The following PALLD variants were observed in gnomAD, a reference collection of about 807,000 sequenced individuals.
PALLD encodes palladin, cytoskeletal associated protein, also known as palladin.
A neutral mutation model predicts 123.5 loss-of-function variants in PALLD; 61 were observed. The ratio of observed to expected loss-of-function variants is 0.49; its 90% CI spans 0.40 to 0.61. The LOEUF is 0.61. Among genes scored for constraint, PALLD ranks in the 20% least tolerant of loss-of-function variants. The pLI, the probability that PALLD is intolerant of heterozygous loss-of-function variation, is 0.00. For synonymous variants in PALLD, 465 were observed against 496.4 expected (o/e 0.94, Z 0.84); for missense variants, 1,273 against 1,377.0 (o/e 0.92, Z 1.20).
intron 2 of PALLD, among the ~76,000 whole-genome samples, chr4:168,577,955 C>A (rs1356453089): frequency 6.6e-6 from 1 of 151,964 alleles, no homozygotes; most frequent in African/African-American, 2.4e-5. Flanking sequence ...GCGGGGGGAA[C>A]GTTGTGAATC....
At position 168,673,511 on chromosome 4, in the gene PALLD, C is replaced by T. The variant is rs138169408; in HGVS notation, c.1087+5143C>T. ...GGCTTGGGCCGCAGCCGGGGTATGC[C>T]GGACACAGGGCCTATAGTCACCGTT... is the stretch of plus-strand genomic sequence containing the variant. On this transcript the variant is annotated intron_variant, in intron 3 of 21. Coordinates refer to ENST00000505667, the MANE Select transcript of PALLD (RefSeq NM_001166108.2). 9.2e-5 allele frequency among the ~76,000 whole-genome samples: 14 copies of T among 152,306 alleles called. No individual in the cohort carries two copies. The East Asian group carries it at 2.3e-3, about 25-fold the overall frequency.
At chr4:168,809,788 C>G (rs1740793499) in intron 10 of PALLD, among the ~76,000 whole-genome samples, 1 of 151,338 alleles carries the variant, frequency 6.6e-6, no homozygotes, top group Non-Finnish European at 1.5e-5. Flanking sequence ...TGCTTGAACC[C>G]AGGAGGTAGA....
chr4:168,640,911 A>T (rs1252666938), intron 2 of PALLD, among the ~76,000 whole-genome samples: 3 of 151,848 alleles, frequency 2.0e-5, no homozygotes, highest in African/African-American at 7.2e-5. Flanking sequence ...GGTGCTTTTG[A>T]AAAATAGAGA....
At position 168,668,357 on chromosome 4, in the gene PALLD, T is replaced by G. The variant is rs776534547; in HGVS notation, c.1076T>G (p.Val359Gly). 16 of 1,603,250 alleles carry G rather than the reference T, an allele frequency of 1.0e-5. No homozygotes were observed. Among genetic ancestry groups the G allele is most frequent in the Non-Finnish European group, 1.4e-5 (16 of 1,173,088 alleles). ...PSGSDTTSAE[V>G]FIEGASSTDS... ...GGCTCAGACACAACATCTGCTGAGG[T>G]GTTCATTGAAGGTAAGGAGGGGTGC... is the stretch of plus-strand genomic sequence containing the variant. The change falls in exon 3 of 22, where the codon GTG becomes GGG. Residue 359 changes from valine (V) to glycine (G), a missense_variant. Val to Gly is a moderately radical substitution (Grantham distance 109). Transcript: ENST00000505667.
At chr4:168,500,268 C>T (rs1014800296) in intron 1 of PALLD, among the ~76,000 whole-genome samples, 1 of 152,172 alleles carries the variant, frequency 6.6e-6, no homozygotes, top group Non-Finnish European at 1.5e-5. Context: ...TCCTTGTCTT[C>T]CCCAAGTTCC....
chr4:168,709,540 AAGGAAGGAAGGAAG>A (rs1784543772), intron 9 of PALLD, among the ~76,000 whole-genome samples: 1 of 4,186 alleles, frequency 2.4e-4, no homozygotes, highest in Non-Finnish European at 1.1e-3. Flanking sequence ...GGAAGGAAGG[AAGGAAGGAAGGAAG>A]GAAGGAAGGA....
chr4:168,830,006 C>A (rs1242598078), intron 10 of PALLD, among the ~76,000 whole-genome samples: 1 of 152,026 alleles, frequency 6.6e-6, no homozygotes, highest in Non-Finnish European at 1.5e-5. Flanking sequence ...CCAAGGCAGG[C>A]GGATCACTTG....
chr4:168,864,764 T>A (rs1004293856), intron 10 of PALLD, among the ~76,000 whole-genome samples: 1 of 152,254 alleles, frequency 6.6e-6, no homozygotes, highest in African/African-American at 2.4e-5. Context: ...ATACTACAGC[T>A]GTACACACTA....
In PALLD at chr4:168,512,049, T is replaced by A; in HGVS notation, c.545T>A (p.Ile182Lys). 6.2e-7 allele frequency: 1 copy of A among 1,614,178 alleles called. No individual in the cohort carries two copies. The highest frequency in any genetic ancestry group is 1.1e-5 in the South Asian group (1 of 91,080). Residue 182 changes from isoleucine to lysine, a missense_variant, in exon 2 of 22, where the codon ATA becomes AAA. By Grantham distance (102) the Ile-to-Lys change is moderately radical. Transcript: ENST00000505667. ...AATTTAATTGAGGAGCTAACATCCA[T>A]ATTTAAAGCCGCAAAGCCAAGAAAC... is the stretch of plus-strand genomic sequence containing the variant. ...AANLIEELTS[I>K]FKAAKPRNRS...
chr4:168,550,319 G>A (rs547591674), intron 2 of PALLD, among the ~76,000 whole-genome samples: 46 of 152,144 alleles, frequency 3.0e-4, no homozygotes, highest in African/African-American at 1.0e-3. Context: ...AAGAAAAATG[G>A]TAAGTGCTTC....
At chr4:168,528,933 G>A (rs1764330217) in intron 2 of PALLD, among the ~76,000 whole-genome samples, 1 of 152,164 alleles carries the variant, frequency 6.6e-6, no homozygotes, top group South Asian at 2.1e-4. Context: ...TTTGGATGAG[G>A]AGTGTGATAC....
At chr4:168,900,716 G>T (rs10032876) in intron 14 of PALLD, among the ~76,000 whole-genome samples, 1,716 of 152,216 alleles carry the variant, frequency 0.011, 48 homozygotes, top group African/African-American at 0.039. Flanking sequence ...AATAAAATGG[G>T]ATTTTTAAAA....
chr4:168,521,570 A>G (rs1002980523), intron 2 of PALLD, among the ~76,000 whole-genome samples: 4 of 152,068 alleles, frequency 2.6e-5, no homozygotes, highest in African/African-American at 9.7e-5. Context: ...ATTGTTATTG[A>G]CTTAGAATAA....
At chr4:168,727,720 C>T (rs536673822) in intron 10 of PALLD, among the ~76,000 whole-genome samples, 2 of 152,132 alleles carry the variant, frequency 1.3e-5, no homozygotes, top group African/African-American at 4.8e-5. Flanking sequence ...TAATTAGATC[C>T]CACTTGTCAA....
intron 10 of PALLD, among the ~76,000 whole-genome samples, chr4:168,874,238 G>A (rs1375703624): frequency 6.6e-6 from 1 of 152,152 alleles, no homozygotes; most frequent in Non-Finnish European, 1.5e-5. Context: ...AGCCCTTTTT[G>A]TCATGTACCA....
At chr4:168,792,831 A>C (rs1398998439) in intron 10 of PALLD, among the ~76,000 whole-genome samples, 1 of 148,978 alleles carries the variant, frequency 6.7e-6, no homozygotes, top group Non-Finnish European at 1.5e-5. Context: ...CAGTGGTGCG[A>C]TCTTGGCTCA....
intron 2 of PALLD, among the ~76,000 whole-genome samples, chr4:168,576,276 G>A (rs866728492): frequency 4.0e-5 from 6 of 151,584 alleles, no homozygotes; most frequent in Middle Eastern, 3.4e-3. Context: ...TAGGGAACAT[G>A]TGCACAACGT....
chr4:168,783,975 T>C (rs994693089), intron 10 of PALLD, among the ~76,000 whole-genome samples: 1 of 152,062 alleles, frequency 6.6e-6, no homozygotes, highest in African/African-American at 2.4e-5. Context: ...CCAGGCACTG[T>C]GGTTCACGTC....
At chr4:168,773,279 T>C (rs1734702905) in intron 10 of PALLD, among the ~76,000 whole-genome samples, 1 of 152,180 alleles carries the variant, frequency 6.6e-6, no homozygotes, top group South Asian at 2.1e-4. Flanking sequence ...AAAATCCTGG[T>C]GTCTGAAGAA....
Sources: gnomAD v4.1 joint callset for allele counts (sites outside exome capture counted in the v4.1 genomes callset) on GRCh38, gnomAD v4.1.1 for gene constraint, MANE v1.5 for transcripts, NCBI Gene and HGNC (gene_info 2026-07-23, HGNC 2026-07-21) for gene names.